The following ACOXL variants were observed in gnomAD, a reference collection of about 807,000 sequenced individuals.
ACOXL encodes acyl-coenzyme A oxidase-like protein.
In ACOXL, 70 loss-of-function variants were observed where a neutral mutation model predicts 71.9. That is an observed-to-expected ratio of 0.97 (90% confidence interval 0.80 to 1.19). The LOEUF is 1.19. ACOXL is among the 50% of genes most tolerant of loss of function. ACOXL has a pLI of 0.00. For synonymous variants in ACOXL, 253 were observed against 281.6 expected, an observed-to-expected ratio of 0.90 and a Z score of 1.02; for missense variants, 703 against 736.3, an observed-to-expected ratio of 0.95 and a Z score of 0.52.
At chr2:110,776,990 A>T (rs1682733815) in intron 2 of ACOXL, among the ~76,000 whole-genome samples, 1 of 151,900 alleles carries the variant, frequency 6.6e-6, no homozygotes, top group African/African-American at 2.4e-5. Flanking sequence ...AGACACTGAT[A>T]CATGGAAGTG....
At chr2:110,830,184 A>G (rs1343312737) in intron 9 of ACOXL, among the ~76,000 whole-genome samples, 2 of 152,228 alleles carry the variant, frequency 1.3e-5, no homozygotes, top group African/African-American at 4.8e-5. Flanking sequence ...AAGCACTTAC[A>G]TCAAACATTA....
At chr2:111,093,319 G>A (rs373220844) in intron 17 of ACOXL, among the ~76,000 whole-genome samples, 14 of 152,020 alleles carry the variant, frequency 9.2e-5, no homozygotes, top group African/African-American at 3.4e-4. Flanking sequence ...AAGACCCGGG[G>A]TATTTTTATG....
chr2:110,840,575 C>T (rs1691039972), intron 9 of ACOXL, among the ~76,000 whole-genome samples: 1 of 152,190 alleles, frequency 6.6e-6, no homozygotes, highest in African/African-American at 2.4e-5. Context: ...GCTGATGCAG[C>T]TGAACTTGAC....
chr2:111,011,625 G>T (rs117903702), intron 14 of ACOXL, among the ~76,000 whole-genome samples: 240 of 152,278 alleles, frequency 1.6e-3, no homozygotes, highest in Non-Finnish European at 2.9e-3. Flanking sequence ...GCTCATGCCT[G>T]TAGTTTCAGC....
At chr2:111,010,652 A>G (rs1280411625) in intron 14 of ACOXL, among the ~76,000 whole-genome samples, 1 of 152,154 alleles carries the variant, frequency 6.6e-6, no homozygotes, top group East Asian at 1.9e-4. Flanking sequence ...TCATAGTATA[A>G]TTGCTGAAAA....
At chr2:110,924,808 C>T (rs1382894736) in intron 11 of ACOXL, among the ~76,000 whole-genome samples, 4 of 118,178 alleles carry the variant, frequency 3.4e-5, no homozygotes, top group Admixed American at 9.2e-5. Flanking sequence ...TTCTTAATGG[C>T]CTTTAGATTG....
At chr2:110,834,012 G>A (rs575831884) in intron 9 of ACOXL, among the ~76,000 whole-genome samples, 2 of 152,152 alleles carry the variant, frequency 1.3e-5, no homozygotes, top group Non-Finnish European at 2.9e-5. Context: ...CAATGGGCTT[G>A]CACTTTCCTG....
chr2:110,955,429 CCTCTCTCT>C (rs71383893), intron 12 of ACOXL, among the ~76,000 whole-genome samples: 11 of 141,002 alleles, frequency 7.8e-5, no homozygotes, highest in Middle Eastern at 3.6e-3. Context: ...AGTCCACCTC[CCTCTCTCT>C]CTCTCTCTCT....
chr2:110,756,603 G>C (rs997152251), intron 1 of ACOXL, among the ~76,000 whole-genome samples: 1 of 151,976 alleles, frequency 6.6e-6, no homozygotes, highest in Non-Finnish European at 1.5e-5. Flanking sequence ...GTCAATTGTT[G>C]ATCTATTTGG....
At chr2:110,747,780 C>T (rs1334479137) in intron 1 of ACOXL, among the ~76,000 whole-genome samples, 1 of 152,032 alleles carries the variant, frequency 6.6e-6, no homozygotes, top group Non-Finnish European at 1.5e-5. Flanking sequence ...GTGTTGTTGT[C>T]TTAGGAGGTT....
chr2:111,009,809 A>G (rs1040006895), intron 14 of ACOXL, among the ~76,000 whole-genome samples: 2 of 152,204 alleles, frequency 1.3e-5, no homozygotes, highest in Admixed American at 6.5e-5. Context: ...AGTTAGAGGG[A>G]TGTGGTAAAC....
intron 11 of ACOXL, among the ~76,000 whole-genome samples, chr2:110,920,953 A>G (rs888114351): frequency 6.6e-6 from 1 of 152,158 alleles, no homozygotes; most frequent in African/African-American, 2.4e-5. Flanking sequence ...GTTTATTTCT[A>G]ATATGTAGGA....
At chr2:110,933,994 A>G (rs1177591104) in intron 12 of ACOXL, among the ~76,000 whole-genome samples, 1 of 152,216 alleles carries the variant, frequency 6.6e-6, no homozygotes, top group East Asian at 1.9e-4. Context: ...AACACAGGAA[A>G]TGACCCCAAG....
At chr2:110,974,328 C>T (rs59275547) in intron 12 of ACOXL, among the ~76,000 whole-genome samples, 9,139 of 152,222 alleles carry the variant, frequency 0.06, 643 homozygotes, top group East Asian at 0.35. Context: ...GGTTGCTGTC[C>T]CATGATTGAG....
chr2:110,877,950 G>A (rs999948917), intron 10 of ACOXL, among the ~76,000 whole-genome samples: 13 of 152,248 alleles, frequency 8.5e-5, no homozygotes, highest in African/African-American at 3.1e-4. Context: ...CCTGGATCTG[G>A]AGGGGCACAG....
intron 15 of ACOXL, among the ~76,000 whole-genome samples, chr2:111,041,854 C>T (rs1342050632): frequency 6.6e-6 from 1 of 152,204 alleles, no homozygotes; most frequent in Non-Finnish European, 1.5e-5. Flanking sequence ...AGCAGGTGAC[C>T]ACTGTGCTCT....
intron 10 of ACOXL, among the ~76,000 whole-genome samples, chr2:110,843,421 A>C (rs1691422043): frequency 6.6e-6 from 1 of 152,208 alleles, no homozygotes; most frequent in Non-Finnish European, 1.5e-5. Flanking sequence ...TGCCCCTGGT[A>C]GGCTGATAAC....
At chr2:110,957,603 C>G (rs1053609246) in intron 12 of ACOXL, among the ~76,000 whole-genome samples, 2 of 152,196 alleles carry the variant, frequency 1.3e-5, no homozygotes, top group Admixed American at 6.5e-5. Context: ...ACACGTTCCT[C>G]TGTGTGTGTC....
At chr2:110,911,068 TA>T (rs1170332429) in intron 11 of ACOXL, among the ~76,000 whole-genome samples, 1 of 151,700 alleles carries the variant, frequency 6.6e-6, no homozygotes, top group Non-Finnish European at 1.5e-5. Context: ...CTTACAGAAA[TA>T]AAAAGGAATA....
Sources: allele counts gnomAD v4.1 joint callset (sites outside exome capture counted in the v4.1 genomes callset), GRCh38; gene constraint gnomAD v4.1.1; transcripts MANE v1.5; gene names NCBI Gene and HGNC (gene_info 2026-07-23, HGNC 2026-07-21).